The following COL19A1 variants were observed in gnomAD, a reference collection of about 807,000 sequenced individuals.
COL19A1 encodes collagen alpha-1(XIX) chain.
COL19A1 carries 159 observed loss-of-function variants against 190.2 expected under a neutral mutation model. That is an observed-to-expected ratio of 0.84 (90% CI 0.73 to 0.95). The LOEUF is 0.95. Among genes scored for constraint, COL19A1 ranks in the 40% least tolerant of loss-of-function variants. The pLI is 0.00. For synonymous variants in COL19A1, 509 were observed against 458.9 expected (o/e 1.11, Z -1.39); for missense variants, 1,418 against 1,431.9 (o/e 0.99, Z 0.16).
chr6:69,982,401 C>T (rs1158074024), intron 11 of COL19A1, among the ~76,000 whole-genome samples: 4 of 151,866 alleles, frequency 2.6e-5, no homozygotes, highest in South Asian at 2.1e-4. Context: ...CCGCCACACC[C>T]GACTAATTTT....
intron 6 of COL19A1, 44 bp downstream of exon 6, chr6:69,929,744 G>T: frequency 2.0e-6 from 3 of 1,489,500 alleles, no homozygotes; most frequent in Admixed American, 2.3e-5. Context: ...AAATTTCTAA[G>T]TAAAAAAAAA....
intron 42 of COL19A1, among the ~76,000 whole-genome samples, chr6:70,178,184 T>TA (rs758926354): frequency 4.2e-4 from 64 of 152,182 alleles, no homozygotes; most frequent in Non-Finnish European, 7.2e-4. Flanking sequence ...GCCCAGGAGT[T>TA]AGAGACCAAC....
chr6:69,868,200 G>GA (rs543690440), intron 1 of COL19A1, among the ~76,000 whole-genome samples: 23,549 of 142,764 alleles, frequency 0.16, 1,997 homozygotes, highest in East Asian at 0.25. Context: ...AGACTAAAGG[G>GA]AAAAAAAAAA....
chr6:69,968,697 G>A (rs572718238), intron 11 of COL19A1, among the ~76,000 whole-genome samples: 1 of 152,258 alleles, frequency 6.6e-6, no homozygotes, highest in East Asian at 1.9e-4. Flanking sequence ...TCATTCAGTT[G>A]TTATGGTAAT....
chr6:69,944,280 G>A (rs371658077), intron 9 of COL19A1, among the ~76,000 whole-genome samples: 11 of 152,108 alleles, frequency 7.2e-5, no homozygotes, highest in African/African-American at 2.4e-4. Flanking sequence ...TTGTCATCAC[G>A]CATCTATTTC....
Position 70,036,062 on chromosome 6 carries a change from C to T in COL19A1, c.1170+123C>T, listed in dbSNP as rs1019227987. ...TAAGAATTGAAGGTGACTTCGAGTA[C>T]ATGTAGTCAAACCTCCACATTTTAA... On this transcript the variant is annotated intron_variant, in intron 14 of 50. Coordinates refer to ENST00000620364, the MANE Select transcript of COL19A1 (RefSeq NM_001858.6). The T allele has an allele frequency of 2.6e-5, 23 of 877,268 alleles. No homozygotes were observed. The African/African-American group carries it at 2.7e-4, about 10-fold the overall frequency. The allele number at this position is 877,268 out of a possible 1,614,324, so 54.3% of individuals were successfully genotyped here. A position where few individuals can be genotyped will look rare whatever the true frequency, so the allele number is the denominator to read the frequency against.
At chr6:69,968,870 AC>A (rs1775264341) in intron 11 of COL19A1, among the ~76,000 whole-genome samples, 1 of 152,280 alleles carries the variant, frequency 6.6e-6, no homozygotes, top group Admixed American at 6.5e-5. Flanking sequence ...CAAGGAATCA[AC>A]ATTCTTAGTT....
chr6:70,154,169 T>C (rs1787288682), intron 31 of COL19A1, among the ~76,000 whole-genome samples: 1 of 146,238 alleles, frequency 6.8e-6, no homozygotes, highest in African/African-American at 2.5e-5. Context: ...CCATGTGTTC[T>C]CATTGTTCAG....
rs1786073434 is a variant in COL19A1, at chr6:70,139,125, C to G, written c.1446+1378C>G. Reference sequence around the variant, plus strand: ...TTTTAGAGCAGAAAGGAGAAACTTTCAGTGAGTTAGAGCGGTGCTTCTCAA... The same window carrying G: ...TTTTAGAGCAGAAAGGAGAAACTTTGAGTGAGTTAGAGCGGTGCTTCTCAA... On this transcript the variant is annotated intron_variant, in intron 19 of 50. Transcript: ENST00000620364. 2.6e-5 allele frequency among the ~76,000 whole-genome samples: 4 copies of G among 152,194 alleles called. No individual in the cohort carries two copies. In the South Asian group the frequency reaches 8.3e-4, roughly 32 times the overall value.
intron 9 of COL19A1, among the ~76,000 whole-genome samples, chr6:69,951,135 A>G (rs924160148): frequency 6.6e-6 from 1 of 151,908 alleles, no homozygotes. Flanking sequence ...AGTAAATCAT[A>G]GCCATCATTA....
intron 4 of COL19A1, among the ~76,000 whole-genome samples, chr6:69,900,920 CA>C (rs916819703): frequency 9.5e-5 from 14 of 147,556 alleles, no homozygotes; most frequent in African/African-American, 2.2e-4. Flanking sequence ...CTTAGAGTTA[CA>C]AAAAAAAAAT....
chr6:69,986,561 A>G (rs897832112), intron 11 of COL19A1, among the ~76,000 whole-genome samples: 54 of 152,314 alleles, frequency 3.5e-4, no homozygotes, highest in African/African-American at 1.3e-3. Flanking sequence ...GTTGCATAAC[A>G]ACTAAAGTTT....
intron 17 of COL19A1, 42 bp downstream of exon 17, chr6:70,121,984 T>G (rs765107317): frequency 1.3e-5 from 17 of 1,293,318 alleles, no homozygotes; most frequent in Non-Finnish European, 1.8e-5. Flanking sequence ...ACATAGAAAT[T>G]TTATATGATT....
intron 14 of COL19A1, among the ~76,000 whole-genome samples, chr6:70,036,766 G>A (rs922389135): frequency 7.2e-5 from 11 of 152,046 alleles, no homozygotes; most frequent in South Asian, 2.1e-4. Context: ...AGTAGTATTC[G>A]AAGACCTATT....
intron 14 of COL19A1, among the ~76,000 whole-genome samples, chr6:70,044,772 C>T (rs1332869988): frequency 6.6e-6 from 1 of 152,004 alleles, no homozygotes; most frequent in African/African-American, 2.4e-5. Context: ...ATTTTTTTCC[C>T]ATCTAATTCC....
At chr6:70,003,494 T>A (rs1347715052) in intron 11 of COL19A1, among the ~76,000 whole-genome samples, 1 of 152,192 alleles carries the variant, frequency 6.6e-6, no homozygotes, top group Non-Finnish European at 1.5e-5. Context: ...ACTATTATTG[T>A]GTGGGAGTCT....
At chr6:70,121,853 T>C (rs778555070) in intron 16 of COL19A1, 27 bp from the exon 17 acceptor site, 4 of 1,413,906 alleles carry the variant, frequency 2.8e-6, no homozygotes, top group Non-Finnish European at 3.9e-6. Context: ...TGTGTATATA[T>C]TTGTCTTTGA....
At chr6:69,898,247 G>C (rs1179850446) in intron 2 of COL19A1, among the ~76,000 whole-genome samples, 1 of 152,136 alleles carries the variant, frequency 6.6e-6, no homozygotes, top group Non-Finnish European at 1.5e-5. Context: ...AATTTTGTCT[G>C]AATTAACTGA....
intron 15 of COL19A1, among the ~76,000 whole-genome samples, chr6:70,096,160 C>T (rs552179840): frequency 1.3e-5 from 2 of 150,842 alleles, no homozygotes; most frequent in South Asian, 2.1e-4. Context: ...CAGCTTACTG[C>T]GCCCTCCACC....
Sources: allele counts gnomAD v4.1 joint callset (sites outside exome capture counted in the v4.1 genomes callset), GRCh38; gene constraint gnomAD v4.1.1; transcripts MANE v1.5; gene names NCBI Gene and HGNC (gene_info 2026-07-23, HGNC 2026-07-21).